Variants in ESR1 observed in about 807,000 individuals in gnomAD.
ESR1 encodes the protein estrogen receptor 1.
In ESR1, 12 loss-of-function variants were observed where a neutral mutation model predicts 52.7. The observed-to-expected ratio is 0.23, with a 90% confidence interval of 0.15 to 0.37. The LOEUF is 0.37. Among genes scored for constraint, ESR1 ranks in the 10% least tolerant of loss-of-function variants. The probability of loss-of-function intolerance (pLI) is 1.00; values close to 1 mark genes in which losing one functional copy is unlikely to be tolerated. For missense variants in ESR1, 584 were observed against 779.7 expected (o/e 0.75, Z 2.99); for synonymous variants, 305 against 316.8 (o/e 0.96, Z 0.39).
intron 1 of ESR1, among the ~76,000 whole-genome samples, chr6:151,671,786 G>T (rs1293950): frequency 0.21 from 32,056 of 151,950 alleles, 4,185 homozygotes; most frequent in Non-Finnish European, 0.28. Flanking sequence ...GAGGTCAGGA[G>T]TTCAAGATCA....
chr6:151,941,803 GTAAC>G (rs2128516647), intron 3 of ESR1, among the ~76,000 whole-genome samples: 1 of 152,252 alleles, frequency 6.6e-6, no homozygotes, highest in South Asian at 2.1e-4. Context: ...ACATTGAGCT[GTAAC>G]TAACTAAAAA....
chr6:151,957,753 G>A lies in ESR1; in HGVS notation c.1096+13245G>A, dbSNP rs543258317. Reference sequence around the variant, plus strand: ...TTGTAGAATAAATCCTATTTCAGATGTGACTGTTTTAGGATTTGAATCAAC... The same window carrying A: ...TTGTAGAATAAATCCTATTTCAGATATGACTGTTTTAGGATTTGAATCAAC... On this transcript the variant is annotated intron_variant, in intron 4 of 7. Transcript: ENST00000206249. Among the ~76,000 whole-genome samples the A allele has an allele frequency of 3.9e-4, 59 of 151,922 alleles. No homozygotes were observed. The Middle Eastern group carries it at 0.017, about 44-fold the overall frequency.
At chr6:151,716,169 CA>C (rs1781015684) in intron 2 of ESR1, among the ~76,000 whole-genome samples, 1 of 152,162 alleles carries the variant, frequency 6.6e-6, no homozygotes, top group Non-Finnish European at 1.5e-5. Flanking sequence ...GGCTGCAAAA[CA>C]GCAAAGATTG....
intron 5 of ESR1, among the ~76,000 whole-genome samples, chr6:152,030,653 C>A (rs955053294): frequency 6.6e-6 from 1 of 152,120 alleles, no homozygotes; most frequent in Non-Finnish European, 1.5e-5. Flanking sequence ...CCTTAGTGAC[C>A]TACAAAGAGA....
chr6:151,812,092 A>G (rs1778924877), intron 1 of ESR1, among the ~76,000 whole-genome samples: 1 of 152,146 alleles, frequency 6.6e-6, no homozygotes, highest in African/African-American at 2.4e-5. Context: ...TTTTAAGGAT[A>G]TGTAAGACAG....
chr6:152,090,088 A>G (rs974876724), intron 6 of ESR1, among the ~76,000 whole-genome samples: 5 of 152,216 alleles, frequency 3.3e-5, no homozygotes, highest in African/African-American at 7.2e-5. Context: ...AACCACAATC[A>G]TAGGAGAAGC....
intron 2 of ESR1, among the ~76,000 whole-genome samples, chr6:151,752,969 C>T (rs1053374128): frequency 6.6e-6 from 1 of 152,098 alleles, no homozygotes; most frequent in African/African-American, 2.4e-5. Context: ...TTAAAAGAGC[C>T]AAGAACACCA....
At chr6:151,899,178 C>T (rs1235482442) in intron 3 of ESR1, among the ~76,000 whole-genome samples, 7 of 143,464 alleles carry the variant, frequency 4.9e-5, no homozygotes, top group African/African-American at 1.8e-4. Flanking sequence ...CAGAGGGGCT[C>T]CTCACTTCCC....
Position 152,094,747 on chromosome 6 carries a change from G to A in ESR1, c.1553+179G>A, listed in dbSNP as rs989347821. The stretch of plus-strand genomic sequence containing the variant: ...CAGAAGAGAGAGGTTTTAAATCTGC[G>A]AGGGTCACAGGGCAAGTGTCAGAGA... On this transcript the variant is annotated intron_variant, in intron 7 of 7. Coordinates refer to ENST00000206249, the MANE Select transcript of ESR1 (RefSeq NM_000125.4). The surrounding 1 kb of genome is among the most constrained non-coding windows in gnomAD (Gnocchi z 4.6). 2.0e-5 allele frequency among the ~76,000 whole-genome samples: 3 copies of A among 152,190 alleles called. No homozygotes were observed. The highest frequency in any genetic ancestry group is 2.1e-4 in the South Asian group (1 of 4,828).
intron 2 of ESR1, among the ~76,000 whole-genome samples, chr6:151,791,504 G>A (rs974486141): frequency 3.3e-5 from 5 of 152,270 alleles, no homozygotes; most frequent in Admixed American, 6.5e-5. Context: ...CCCAGTCTTG[G>A]ATATGTCTTT....
intron 3 of ESR1, among the ~76,000 whole-genome samples, chr6:151,920,915 C>T (rs1297405704): frequency 6.6e-6 from 1 of 151,958 alleles, no homozygotes; most frequent in Non-Finnish European, 1.5e-5. Context: ...CCATTTTGTG[C>T]AGCTCATTTT....
chr6:151,660,367 A>T (rs1198676606), intron 1 of ESR1, among the ~76,000 whole-genome samples: 1 of 152,194 alleles, frequency 6.6e-6, no homozygotes, highest in African/African-American at 2.4e-5. Context: ...TTTGAGAGGG[A>T]CAGTTCTATG....
At chr6:151,927,568 T>C (rs966329090) in intron 3 of ESR1, among the ~76,000 whole-genome samples, 1 of 152,230 alleles carries the variant, frequency 6.6e-6, no homozygotes, top group African/African-American at 2.4e-5. Flanking sequence ...TTTGGTAGTT[T>C]GTGTATTTCA....
chr6:151,718,822 A>G (rs1781243758), intron 2 of ESR1, among the ~76,000 whole-genome samples: 1 of 152,162 alleles, frequency 6.6e-6, no homozygotes, highest in African/African-American at 2.4e-5. Flanking sequence ...CTGTTTTCAG[A>G]TGAGTGTCTA....
chr6:151,681,842 C>G (rs1175550995), intron 1 of ESR1, among the ~76,000 whole-genome samples: 5 of 152,048 alleles, frequency 3.3e-5, no homozygotes, highest in Non-Finnish European at 5.9e-5. Context: ...AACGTCTCAA[C>G]AAGTAGCAAA....
rs199546774 is a variant in ESR1 at position 152,049,111 on chromosome 6, CT to C, written c.1236-11879del. Among the ~76,000 whole-genome samples the C allele has an allele frequency of 5.2e-3, 790 of 152,324 alleles. 5 individuals carry two copies. Among genetic ancestry groups the C allele is most frequent in the African/African-American group, 0.018 (749 of 41,588 alleles). On this transcript the variant is annotated intron_variant, in intron 5 of 7. Transcript: ENST00000206249. ...ATTTTCCTCTAGGGACTTACTTTAG[CT>C]CTTAAACTATGTAAACTGAACAAGC...
At chr6:152,021,931 T>C (rs1195166314) in intron 5 of ESR1, among the ~76,000 whole-genome samples, 1 of 152,158 alleles carries the variant, frequency 6.6e-6, no homozygotes, top group Admixed American at 6.5e-5. Flanking sequence ...TCTGCCATGA[T>C]TGTGAGGCCT....
chr6:151,928,494 AATGCATGC>A (rs1161925666), intron 3 of ESR1, among the ~76,000 whole-genome samples: 2 of 152,140 alleles, frequency 1.3e-5, no homozygotes, highest in Admixed American at 6.6e-5. Context: ...GTTTCTACTG[AATGCATGC>A]ATATTACTTT....
chr6:151,934,934 C>A (rs2034171213), intron 3 of ESR1, among the ~76,000 whole-genome samples: 1 of 152,130 alleles, frequency 6.6e-6, no homozygotes, highest in South Asian at 2.1e-4. Flanking sequence ...AAACACAGAA[C>A]ACATTTATAT....
Sources: gnomAD v4.1 joint callset for allele counts (sites outside exome capture counted in the v4.1 genomes callset) on GRCh38, gnomAD v4.1.1 for gene constraint, Gnocchi (gnomAD v3.1) non-coding constraint, MANE v1.5 for transcripts, NCBI Gene and HGNC (gene_info 2026-07-23, HGNC 2026-07-21) for gene names.